Variants in ZFYVE28 observed in about 807,000 individuals in gnomAD.
ZFYVE28 encodes the protein lateral signaling target protein 2 homolog.
In ZFYVE28, 40 loss-of-function variants were observed where a neutral mutation model predicts 82.1. That is an observed-to-expected ratio of 0.49 (90% CI 0.38 to 0.63). The LOEUF (loss-of-function observed/expected upper bound fraction) is 0.63, where lower values mean the gene tolerates loss of function less well. ZFYVE28 is among the 30% of genes least tolerant of loss of function. The pLI is 0.00. For missense variants in ZFYVE28, 1,321 were observed against 1,242.1 expected (o/e 1.06, Z -0.96); for synonymous variants, 612 against 546.1 (o/e 1.12, Z -1.68).
intron 2 of ZFYVE28, among the ~76,000 whole-genome samples, chr4:2,345,924 G>C (rs1226766252): frequency 6.6e-6 from 1 of 152,052 alleles, no homozygotes; most frequent in Non-Finnish European, 1.5e-5. Flanking sequence ...TATCAACCTA[G>C]AATTCTGTAC....
intron 6 of ZFYVE28, chr4:2,330,303 G>GT: frequency 1.0e-6 from 1 of 989,274 alleles, no homozygotes; most frequent in Non-Finnish European, 1.2e-6. Flanking sequence ...AAATAACAGA[G>GT]TAAGTCACGC....
chr4:2,334,355 C>T (rs1337325665), intron 6 of ZFYVE28, among the ~76,000 whole-genome samples: 2 of 151,996 alleles, frequency 1.3e-5, no homozygotes, highest in African/African-American at 4.8e-5. Flanking sequence ...CCCCATTGCT[C>T]CCCACTCCAA....
At chr4:2,391,781 G>C (rs1203206272) in intron 1 of ZFYVE28, among the ~76,000 whole-genome samples, 1 of 147,240 alleles carries the variant, frequency 6.8e-6, no homozygotes, top group African/African-American at 2.5e-5. Context: ...TGTTTCCCAG[G>C]CTGGAGTGCA....
intron 1 of ZFYVE28, among the ~76,000 whole-genome samples, chr4:2,380,292 G>C (rs1307438878): frequency 6.6e-6 from 1 of 152,194 alleles, no homozygotes; most frequent in Non-Finnish European, 1.5e-5. Flanking sequence ...CTGCAATGCT[G>C]TTCCTGCGTT....
At chr4:2,357,809 G>A (rs531534372) in intron 1 of ZFYVE28, among the ~76,000 whole-genome samples, 19 of 151,106 alleles carry the variant, frequency 1.3e-4, no homozygotes, top group Non-Finnish European at 1.2e-4. Context: ...AAGAGGACAC[G>A]AGCAGGGGCC....
intron 1 of ZFYVE28, among the ~76,000 whole-genome samples, chr4:2,404,090 A>C (rs562837815): frequency 6.6e-6 from 1 of 151,678 alleles, no homozygotes; most frequent in Admixed American, 6.6e-5. Context: ...GGAGGCTGAG[A>C]CGGGCGGATC....
At chr4:2,331,551 A>C (rs951206956) in intron 6 of ZFYVE28, among the ~76,000 whole-genome samples, 1 of 152,164 alleles carries the variant, frequency 6.6e-6, no homozygotes, top group Non-Finnish European at 1.5e-5. Context: ...ATAAATCCCC[A>C]AAAGTAAAAC....
rs374885409 is a variant in ZFYVE28, at chr4:2,320,164, C to T, written c.803+6G>A. 8.5e-6 allele frequency: 12 copies of T among 1,408,916 alleles called. No homozygotes were observed. Among genetic ancestry groups the T allele is most frequent in the Non-Finnish European group, 1.2e-5 (12 of 1,017,968 alleles). 87.3% of individuals were successfully genotyped at this position (1,408,916 alleles called of 1,614,324 possible). A position where few individuals can be genotyped will look rare whatever the true frequency, so the allele number is the denominator to read the frequency against. ...CCTCCCCCACCTCCTCTAGCTCCAT[C>T]CCCACCTTATTTTCCGCAGCAACGT... On this transcript the variant is annotated splice_donor_region_variant and intron_variant, in intron 7 of 12. Coordinates refer to ENST00000290974, the MANE Select transcript of ZFYVE28 (RefSeq NM_020972.3). The surrounding 1 kb of genome is among the most constrained non-coding windows in gnomAD (Gnocchi z 5.1).
At chr4:2,343,792 T>C (rs1723143826) in intron 2 of ZFYVE28, among the ~76,000 whole-genome samples, 1 of 152,214 alleles carries the variant, frequency 6.6e-6, no homozygotes, top group South Asian at 2.1e-4. Context: ...CTGAGGAGCC[T>C]TTCATGGCCG....
chr4:2,271,421 CAA>C lies in ZFYVE28; in HGVS notation c.2429-9_2429-8del. ...GGCACCCACTCCGGGGGGTCTGTCA[CAA>C]CAACAGCAGCGTCACATCAGCGACG... is the stretch of plus-strand genomic sequence containing the variant. On this transcript the variant is annotated splice_polypyrimidine_tract_variant and splice_region_variant and intron_variant, in intron 11 of 12. Transcript: ENST00000290974. 1 of 1,612,072 alleles carries C rather than the reference CAA, an allele frequency of 6.2e-7. No individual in the cohort carries two copies. The highest frequency in any genetic ancestry group is 8.5e-7 in the Non-Finnish European group (1 of 1,179,410).
chr4:2,402,791 A>G (rs777751167), intron 1 of ZFYVE28, among the ~76,000 whole-genome samples: 21 of 152,172 alleles, frequency 1.4e-4, no homozygotes, highest in Non-Finnish European at 2.2e-4. Flanking sequence ...CTGGAATTTA[A>G]GCTCACTCTG....
At chr4:2,371,953 C>G (rs1397800261) in intron 1 of ZFYVE28, among the ~76,000 whole-genome samples, 1 of 152,194 alleles carries the variant, frequency 6.6e-6, no homozygotes, top group Non-Finnish European at 1.5e-5. Context: ...CAGGGCTGGA[C>G]AGCCACACAG....
At chr4:2,399,186 G>A (rs1429156218) in intron 1 of ZFYVE28, among the ~76,000 whole-genome samples, 2 of 152,044 alleles carry the variant, frequency 1.3e-5, no homozygotes, top group Non-Finnish European at 2.9e-5. Flanking sequence ...AAGGGTGGAG[G>A]TGAGATCCAG....
intron 1 of ZFYVE28, among the ~76,000 whole-genome samples, chr4:2,393,893 A>T (rs999760620): frequency 7.2e-5 from 11 of 152,188 alleles, no homozygotes; most frequent in African/African-American, 2.4e-4. Context: ...ACGGCTTAAG[A>T]TGACAACATT....
At chr4:2,398,086 C>G (rs943865397) in intron 1 of ZFYVE28, among the ~76,000 whole-genome samples, 7 of 152,074 alleles carry the variant, frequency 4.6e-5, no homozygotes, top group African/African-American at 1.7e-4. Flanking sequence ...AGGCAGCTGT[C>G]CCAACAAGTG....
Position 2,270,213 on chromosome 4 carries a change from G to A in ZFYVE28, c.*512C>T. On this transcript the variant is annotated 3_prime_UTR_variant, in exon 13 of 13. Transcript: ENST00000290974. ...GGATGGTGAGGGGTGAGGGGTGAGG[G>A]CTGGGGAACGAGGTGGGCAGCTGAT... is the stretch of plus-strand genomic sequence containing the variant. 1 of 166,372 alleles carries A rather than the reference G, an allele frequency of 6.0e-6. No homozygotes were observed. Among genetic ancestry groups the A allele is most frequent in the Non-Finnish European group, 1.3e-5 (1 of 76,514 alleles). The allele number at this position is 166,372 out of a possible 1,614,324, so 10.3% of individuals were successfully genotyped here. A position where few individuals can be genotyped will look rare whatever the true frequency, so the allele number is the denominator to read the frequency against.
chr4:2,397,608 C>T (rs1165673276), intron 1 of ZFYVE28, among the ~76,000 whole-genome samples: 3 of 152,190 alleles, frequency 2.0e-5, no homozygotes, highest in African/African-American at 7.2e-5. Flanking sequence ...TGGCCCCCAC[C>T]AGACTACTTT....
chr4:2,313,114 C>T (rs1717722689), intron 7 of ZFYVE28, among the ~76,000 whole-genome samples: 1 of 150,100 alleles, frequency 6.7e-6, no homozygotes, highest in African/African-American at 2.5e-5. Context: ...CAGGTTTTTC[C>T]AGGTTTTTTT....
intron 6 of ZFYVE28, among the ~76,000 whole-genome samples, chr4:2,333,822 TA>T (rs1721123203): frequency 6.6e-6 from 1 of 152,240 alleles, no homozygotes; most frequent in Non-Finnish European, 1.5e-5. Context: ...TTCTGTTTTT[TA>T]AACAAAGAGA....
Sources: allele counts gnomAD v4.1 joint callset (sites outside exome capture counted in the v4.1 genomes callset), GRCh38; gene constraint gnomAD v4.1.1; non-coding constraint Gnocchi (gnomAD v3.1); transcripts MANE v1.5; gene names NCBI Gene and HGNC (gene_info 2026-07-23, HGNC 2026-07-21).